Variants in NCAPD2 observed in about 807,000 individuals in gnomAD.
The protein encoded by NCAPD2 is condensin complex subunit 1.
NCAPD2 carries 100 observed loss-of-function variants against 164.5 expected under a neutral mutation model. That is an observed-to-expected ratio of 0.61 (90% confidence interval 0.52 to 0.72). NCAPD2 has a LOEUF of 0.72. Among genes scored for constraint, NCAPD2 ranks in the 30% least tolerant of loss-of-function variants. The probability of loss-of-function intolerance (pLI) is 0.00; values close to 1 mark genes in which losing one functional copy is unlikely to be tolerated. For synonymous variants in NCAPD2, 585 were observed against 642.6 expected (o/e 0.91, Z 1.36); for missense variants, 1,560 against 1,749.2 (o/e 0.89, Z 1.93).
Position 6,527,021 on chromosome 12 carries a change from C to G in NCAPD2, c.2865C>G (p.Leu955=). 1 of 1,613,758 alleles carries G rather than the reference C, an allele frequency of 6.2e-7. No individual in the cohort carries two copies. The highest frequency in any genetic ancestry group is 8.5e-7 in the Non-Finnish European group (1 of 1,179,838). ...VSGELCRRRV[L]REEQEHKTKD... is the part of the protein sequence containing the mutation. Reference sequence around the variant, plus strand: ...GAGAGCTCTGCCGGCGCCGAGTTCTCCGGGAAGAACAGGAGCACAAGACCA... The same window carrying G: ...GAGAGCTCTGCCGGCGCCGAGTTCTGCGGGAAGAACAGGAGCACAAGACCA... Residue 955 remains leucine (L), a synonymous_variant, in exon 22 of 32, where the codon CTC becomes CTG. Coordinates refer to ENST00000315579, the MANE Select transcript of NCAPD2 (RefSeq NM_014865.4).
rs753621723 is a variant in NCAPD2 at position 6,521,048 on chromosome 12, A to C, written c.1652A>C (p.His551Pro). 1 of 1,614,222 alleles carries C rather than the reference A, an allele frequency of 6.2e-7. No individual in the cohort carries two copies. Among genetic ancestry groups the C allele is most frequent in the East Asian group, 2.2e-5 (1 of 44,890 alleles). Residue 551 changes from histidine (H) to proline (P), a missense_variant, in exon 14 of 32, where the codon CAT (histidine) becomes CCT (proline). Physicochemically the swap from His to Pro is moderately conservative, Grantham distance 77. Transcript: ENST00000315579. ...TTCCAGGAGTCCGAACCCTTCAGTC[A>C]TATAGACCCAGAGGAGTCAGAGGAG... ...GHFQESEPFSHIDPEESEETR... is the reference protein window; with the variant it reads ...GHFQESEPFSPIDPEESEETR...
intron 2 of NCAPD2, among the ~76,000 whole-genome samples, chr12:6,496,208 G>A (rs1359051374): frequency 4.0e-5 from 6 of 151,296 alleles, no homozygotes; most frequent in Admixed American, 4.0e-4. Context: ...ACAGGTGCAC[G>A]CCACTACCAC....
chr12:6,503,008 CT>C (rs58563520), intron 2 of NCAPD2, among the ~76,000 whole-genome samples: 21,012 of 85,312 alleles, frequency 0.25, 1,421 homozygotes, highest in African/African-American at 0.29. Context: ...CCACACCTGG[CT>C]TTTTTTTTTT....
intron 2 of NCAPD2, among the ~76,000 whole-genome samples, chr12:6,503,008 C>CTTTTTTTTT (rs58563520): frequency 1.2e-4 from 10 of 86,292 alleles, no homozygotes; most frequent in African/African-American, 1.2e-4. Context: ...CCACACCTGG[C>CTTTTTTTTT]TTTTTTTTTT....
In NCAPD2 at chr12:6,531,390, C is replaced by T. The variant is rs763249981; in HGVS notation, c.4184C>T (p.Ser1395Leu). Residue 1395 changes from serine (S) to leucine (L), a missense_variant, in exon 32 of 32, where the codon TCG becomes TTG. Ser to Leu is a moderately radical substitution (Grantham distance 145). Transcript: ENST00000315579. The surrounding 1 kb of genome is among the most constrained non-coding windows in gnomAD (Gnocchi z 4.1). ...PKKTTPILRA[S>L]ARRHRS ...AAAACAACTCCCATTCTCAGAGCAT[C>T]GGCTCGCAGGCACAGATCCTAGGAA... The T allele has an allele frequency of 3.2e-5, 51 of 1,613,758 alleles. No individual in the cohort carries two copies. The highest frequency in any genetic ancestry group is 1.5e-4 in the Admixed American group (9 of 59,990).
In NCAPD2 at chr12:6,522,912, C is replaced by T. The variant is rs1427663937; in HGVS notation, c.2039C>T (p.Pro680Leu). 6.2e-7 allele frequency: 1 copy of T among 1,614,178 alleles called. No individual in the cohort carries two copies. The change falls in exon 16 of 32, where the codon CCT (proline) becomes CTT (leucine). Residue 680 changes from proline to leucine, a missense_variant. Coordinates refer to ENST00000315579, the MANE Select transcript of NCAPD2 (RefSeq NM_014865.4). ...CTGTTTGGGGTGCGCCGTATGCTGC[C>T]TCTCATCTGGTCTAAGGAGCCTGGT... is the stretch of plus-strand genomic sequence containing the variant. ...QALFGVRRML[P>L]LIWSKEPGVR...
At position 6,527,799 on chromosome 12, in the gene NCAPD2, T is replaced by TGTA. The variant is rs1396627617; in HGVS notation, c.2931_2932insTAG (p.Met977_Glu978insTer). ...TAGAATACGAGCTCTGAGACCACCATGGAGGAGGAGCTGGGGCTGGTTGGG... is the reference window on the plus strand; with the variant it reads ...TAGAATACGAGCTCTGAGACCACCATGTAGGAGGAGGAGCTGGGGCTGGTTGGG... On this transcript the variant is annotated stop_gained and inframe_insertion, in exon 23 of 32. Transcript: ENST00000315579. LOFTEE classifies it high-confidence loss of function. 6 of 1,613,478 alleles carry TGTA rather than the reference T, an allele frequency of 3.7e-6. No individual in the cohort carries two copies. In the African/African-American group the frequency reaches 5.3e-5, roughly 14 times the overall value.
intron 13 of NCAPD2, among the ~76,000 whole-genome samples, chr12:6,520,655 A>C (rs1238106758): frequency 1.3e-5 from 2 of 152,204 alleles, no homozygotes. Context: ...TTGTTTCTAA[A>C]CTTAGGAAAG....
intron 2 of NCAPD2, among the ~76,000 whole-genome samples, chr12:6,500,375 A>G (rs1247576169): frequency 1.3e-5 from 2 of 152,226 alleles, no homozygotes; most frequent in Non-Finnish European, 2.9e-5. Flanking sequence ...TTAAGAAAGT[A>G]AGGAAATAAA....
intron 13 of NCAPD2, among the ~76,000 whole-genome samples, chr12:6,518,420 A>G (rs1946224178): frequency 6.6e-6 from 1 of 151,152 alleles, no homozygotes; most frequent in African/African-American, 2.4e-5. Flanking sequence ...ACCTAGTATG[A>G]ATCCTGATCT....
At position 6,520,197 on chromosome 12, in the gene NCAPD2, T is replaced by A. The variant is rs763733953; in HGVS notation, c.1590-789T>A. 1.2e-4 allele frequency among the ~76,000 whole-genome samples: 18 copies of A among 145,412 alleles called. 1 individual carries two copies. Among genetic ancestry groups the A allele is most frequent in the African/African-American group, 2.8e-4 (11 of 39,070 alleles). Reference sequence around the variant, plus strand: ...CTCTGTCTCTAAAAAAAAAAATATATATATATATATACACATATATATTTA... The same window carrying A: ...CTCTGTCTCTAAAAAAAAAAATATAAATATATATATACACATATATATTTA... On this transcript the variant is annotated intron_variant, in intron 13 of 31. Coordinates refer to ENST00000315579, the MANE Select transcript of NCAPD2 (RefSeq NM_014865.4).
At position 6,494,141 on chromosome 12, in the gene NCAPD2, G is replaced by A. The variant is rs756760134; in HGVS notation, c.-37G>A. 1.3e-5 allele frequency: 2 copies of A among 152,368 alleles called. No individual in the cohort carries two copies. The highest frequency in any genetic ancestry group is 2.9e-5 in the Non-Finnish European group (2 of 68,092). 9.4% of individuals were successfully genotyped at this position (152,368 alleles called of 1,614,324 possible). ...CCTGACTGCCGGAATCAGAGCCGCGGGTGAGATCCCCAGGTAAGATGTGGT... is the reference window on the plus strand; with the variant it reads ...CCTGACTGCCGGAATCAGAGCCGCGAGTGAGATCCCCAGGTAAGATGTGGT... On this transcript the variant is annotated 5_prime_UTR_variant, in exon 1 of 32. Coordinates refer to ENST00000315579, the MANE Select transcript of NCAPD2 (RefSeq NM_014865.4).
intron 2 of NCAPD2, among the ~76,000 whole-genome samples, chr12:6,508,096 C>T (rs1324151852): frequency 1.3e-5 from 2 of 151,968 alleles, no homozygotes; most frequent in East Asian, 1.9e-4. Context: ...TTTGGGAGGC[C>T]GAGGCAGGTG....
intron 6 of NCAPD2, 104 bp from the exon 7 acceptor site, chr12:6,514,161 A>G (rs1946177782): frequency 6.7e-7 from 1 of 1,484,066 alleles, no homozygotes; most frequent in African/African-American, 1.4e-5. Context: ...GAATAAAGAA[A>G]ACCCTGACTT....
chr12:6,530,585 C>G, intron 29 of NCAPD2, 106 bp from the exon 30 acceptor site: 1 of 1,449,704 alleles, frequency 6.9e-7, no homozygotes, highest in Non-Finnish European at 9.4e-7. Flanking sequence ...ACCTTGGCTT[C>G]TTAGTAATGT....
intron 2 of NCAPD2, among the ~76,000 whole-genome samples, chr12:6,496,627 GT>G (rs1945986722): frequency 6.6e-6 from 1 of 151,660 alleles, no homozygotes; most frequent in African/African-American, 2.4e-5. Context: ...GTCTCCCTAT[GT>G]TGCCCAGGCT....
intron 2 of NCAPD2, among the ~76,000 whole-genome samples, chr12:6,496,171 G>T (rs1287391196): frequency 1.3e-5 from 2 of 149,622 alleles, no homozygotes; most frequent in Non-Finnish European, 3.0e-5. Context: ...CGATTCTCCT[G>T]CTTCAGCCTC....
At chr12:6,509,136 A>G (rs1321729174) in intron 2 of NCAPD2, among the ~76,000 whole-genome samples, 1 of 151,976 alleles carries the variant, frequency 6.6e-6, no homozygotes, top group Non-Finnish European at 1.5e-5. Context: ...TAAGTTGGAC[A>G]AGTCATATAA....
chr12:6,526,032 A>G (rs750861094), intron 18 of NCAPD2, 36 bp from the exon 19 acceptor site: 2 of 1,609,758 alleles, frequency 1.2e-6, no homozygotes, highest in South Asian at 2.2e-5. Flanking sequence ...AGTCCAATCC[A>G]TGACTGCCTT....
Sources: gnomAD v4.1 joint callset for allele counts (sites outside exome capture counted in the v4.1 genomes callset) on GRCh38, gnomAD v4.1.1 for gene constraint, Gnocchi (gnomAD v3.1) non-coding constraint, MANE v1.5 for transcripts, NCBI Gene and HGNC (gene_info 2026-07-23, HGNC 2026-07-21) for gene names.